ULK2: variants seen among roughly 807,000 people sequenced by gnomAD.
ULK2 encodes unc-51 like autophagy activating kinase 2.
A neutral mutation model predicts 127.5 loss-of-function variants in ULK2; 76 were observed. The observed-to-expected ratio is 0.60, with a 90% CI of 0.50 to 0.72. ULK2 has a LOEUF of 0.72. Among genes scored for constraint, ULK2 ranks in the 30% least tolerant of loss-of-function variants. The pLI is 0.00. For missense variants in ULK2, 1,144 were observed against 1,295.9 expected (o/e 0.88, Z 1.80); for synonymous variants, 452 against 461.9 (o/e 0.98, Z 0.28).
intron 4 of ULK2, 76 bp downstream of exon 4, chr17:19,849,666 C>T: frequency 9.9e-7 from 1 of 1,014,618 alleles, no homozygotes; most frequent in Non-Finnish European, 1.4e-6. Context: ...TTGAAATATG[C>T]AGATTTATGC....
intron 10 of ULK2, among the ~76,000 whole-genome samples, chr17:19,830,942 G>A (rs1026427585): frequency 1.3e-4 from 19 of 149,636 alleles, no homozygotes; most frequent in African/African-American, 3.4e-4. Context: ...CAGGAGAATC[G>A]CTTGAACCCC....
intron 22 of ULK2, among the ~76,000 whole-genome samples, chr17:19,783,338 C>G (rs2086959569): frequency 6.6e-6 from 1 of 151,934 alleles, no homozygotes; most frequent in South Asian, 2.1e-4. Context: ...GTAATCCCAG[C>G]TACTCGTGGG....
At position 19,846,795 on chromosome 17, in the gene ULK2, G is replaced by A. The variant is rs768706515; in HGVS notation, c.411C>T (p.Ile137=). 2.5e-6 allele frequency: 4 copies of A among 1,613,892 alleles called. No individual in the cohort carries two copies. The Admixed American group carries it at 5.0e-5, about 20-fold the overall frequency. ...TTCTGCGATTGGCATAGGACAGCAA[G>A]ATGTTCTGTGGTTTGAGATCTCTGT... The part of the protein sequence containing the change: ...IIHRDLKPQN[I]LLSYANRRKS... Residue 137 remains isoleucine (I), a synonymous_variant, in exon 6 of 27, where the codon ATC becomes ATT. Coordinates refer to ENST00000395544, the MANE Select transcript of ULK2 (RefSeq NM_014683.4).
chr17:19,814,098 C>T (rs545541713), intron 13 of ULK2, among the ~76,000 whole-genome samples: 1 of 151,956 alleles, frequency 6.6e-6, no homozygotes, highest in South Asian at 2.1e-4. Context: ...AAAAGAAACC[C>T]CATCTTGTAT....
chr17:19,812,601 C>G (rs1406298717), intron 13 of ULK2, among the ~76,000 whole-genome samples: 1 of 152,226 alleles, frequency 6.6e-6, no homozygotes, highest in Non-Finnish European at 1.5e-5. Flanking sequence ...CGCAGGCTGA[C>G]TAGGAGCTGC....
intron 20 of ULK2, among the ~76,000 whole-genome samples, chr17:19,789,662 A>G (rs2087110019): frequency 6.6e-6 from 1 of 152,200 alleles, no homozygotes; most frequent in Non-Finnish European, 1.5e-5. Context: ...AATATAGAGA[A>G]GAAATTCAGA....
intron 9 of ULK2, chr17:19,840,035 C>T (rs551994354): frequency 6.4e-5 from 19 of 295,528 alleles, no homozygotes; most frequent in African/African-American, 3.3e-4. Flanking sequence ...AAACAGGGAT[C>T]TGATTAAATA....
chr17:19,851,325 T>TAAAA (rs2042010143), intron 3 of ULK2, among the ~76,000 whole-genome samples: 1 of 21,822 alleles, frequency 4.6e-5, no homozygotes, highest in African/African-American at 5.1e-4. Flanking sequence ...AGACTTCCCC[T>TAAAA]CAAAAAAAAA....
At chr17:19,800,946 C>T (rs2087384625) in intron 16 of ULK2, among the ~76,000 whole-genome samples, 1 of 151,974 alleles carries the variant, frequency 6.6e-6, no homozygotes, top group Admixed American at 6.6e-5. Context: ...GTTTGTTTTT[C>T]CTTTTGGTAG....
Position 19,858,609 on chromosome 17 carries a change from C to T in ULK2, c.225+6194G>A, listed in dbSNP as rs1010419641. Among the ~76,000 whole-genome samples, 19 of 151,688 alleles carry T rather than the reference C, an allele frequency of 1.3e-4. 1 individual carries two copies. Among genetic ancestry groups the T allele is most frequent in the Admixed American group, 6.6e-5 (1 of 15,184 alleles). ...ATGCATCATAGGACAGCAATGGGAA[C>T]GTCACAGAAGAAATGTAAAAAGACA... On this transcript the variant is annotated intron_variant, in intron 3 of 26. Transcript: ENST00000395544.
intron 10 of ULK2, among the ~76,000 whole-genome samples, chr17:19,836,252 T>C (rs1443037918): frequency 2.0e-5 from 3 of 151,342 alleles, no homozygotes; most frequent in South Asian, 2.1e-4. Context: ...CTACTAAAAA[T>C]ACAAAAATTA....
intron 5 of ULK2, among the ~76,000 whole-genome samples, chr17:19,847,806 C>G (rs528131475): frequency 6.6e-6 from 1 of 152,286 alleles, no homozygotes; most frequent in East Asian, 1.9e-4. Flanking sequence ...CCTCAGCTGC[C>G]CACAGTGCTG....
intron 3 of ULK2, among the ~76,000 whole-genome samples, chr17:19,853,182 T>C (rs2042054983): frequency 6.6e-6 from 1 of 151,600 alleles, no homozygotes. Flanking sequence ...TTACCCAGGC[T>C]GAAATTCAGT....
Position 19,843,210 on chromosome 17 carries a change from T to C in ULK2, c.556A>G (p.Ile186Val). 1 of 1,577,782 alleles carries C rather than the reference T, an allele frequency of 6.3e-7. No individual in the cohort carries two copies. Among genetic ancestry groups the C allele is most frequent in the Non-Finnish European group, 8.6e-7 (1 of 1,168,698 alleles). Reference sequence around the variant, plus strand: ...TTAGCATCATAATGTTGAGACATAATAACCTCAGGAGCCTGGGAACAGAAA... The same window carrying C: ...TTAGCATCATAATGTTGAGACATAACAACCTCAGGAGCCTGGGAACAGAAA... ...GSPMYMAPEV[I>V]MSQHYDAKAD... Residue 186 changes from isoleucine (I) to valine (V), a missense_variant, in exon 8 of 27, where the codon ATT becomes GTT. By Grantham distance (29) the Ile-to-Val change is conservative. Transcript: ENST00000395544.
At chr17:19,784,401 T>C (rs2086983491) in intron 21 of ULK2, among the ~76,000 whole-genome samples, 1 of 151,718 alleles carries the variant, frequency 6.6e-6, no homozygotes, top group Non-Finnish European at 1.5e-5. Flanking sequence ...GGAATTAGCA[T>C]AGATCAATAA....
At chr17:19,847,380 G>A (rs1374078937) in intron 5 of ULK2, among the ~76,000 whole-genome samples, 6 of 152,116 alleles carry the variant, frequency 3.9e-5, no homozygotes, top group African/African-American at 1.2e-4. Flanking sequence ...ACTGCTACCC[G>A]TGCCTGTGAG....
rs2086734653 is a variant in ULK2 at position 19,771,376 on chromosome 17, G to A, written c.*4973C>T. ...TAAAAGGGCAACATAGATGTCTGAAGCCAGACTGCCTGGTGGGCAAGCTGG... is the reference window on the plus strand; with the variant it reads ...TAAAAGGGCAACATAGATGTCTGAAACCAGACTGCCTGGTGGGCAAGCTGG... On this transcript the variant is annotated 3_prime_UTR_variant, in exon 27 of 27. Coordinates refer to ENST00000395544, the MANE Select transcript of ULK2 (RefSeq NM_014683.4). The A allele has an allele frequency of 6.6e-6, 1 of 152,256 alleles. No homozygotes were observed. Among genetic ancestry groups the A allele is most frequent in the Non-Finnish European group, 1.5e-5 (1 of 68,058 alleles). 9.4% of individuals were successfully genotyped at this position (152,256 alleles called of 1,614,324 possible).
rs554433740 is a variant in ULK2 at position 19,846,501 on chromosome 17, G to A, written c.469+236C>T. Among the ~76,000 whole-genome samples the A allele has an allele frequency of 3.3e-5, 5 of 152,030 alleles. No homozygotes were observed. In the East Asian group the frequency reaches 5.8e-4, roughly 18 times the overall value. ...CTAAAAATATAAAATTTAGCTGGGC[G>A]TAGTGGTGCATGCCTGTAATCCCAA... On this transcript the variant is annotated intron_variant, in intron 6 of 26. Transcript: ENST00000395544.
intron 10 of ULK2, among the ~76,000 whole-genome samples, chr17:19,834,217 CA>C (rs957619638): frequency 2.2e-4 from 29 of 133,064 alleles, no homozygotes; most frequent in Admixed American, 3.0e-4. Flanking sequence ...CAGTATCTAC[CA>C]AAAAAAAAAA....
Sources: allele counts gnomAD v4.1 joint callset (sites outside exome capture counted in the v4.1 genomes callset), GRCh38; gene constraint gnomAD v4.1.1; transcripts MANE v1.5; gene names NCBI Gene and HGNC (gene_info 2026-07-23, HGNC 2026-07-21).